Variants in PGPEP1 observed in about 807,000 individuals in gnomAD.
The protein encoded by PGPEP1 is pyroglutamyl-peptidase 1.
PGPEP1 carries 15 observed loss-of-function variants against 24.1 expected under a neutral mutation model. The observed-to-expected ratio is 0.62, with a 90% CI of 0.42 to 0.96. The LOEUF (loss-of-function observed/expected upper bound fraction) is 0.96. Ranked by LOEUF, PGPEP1 falls within the 40% of genes least tolerant of loss-of-function variation. The pLI is 0.00. For missense variants in PGPEP1, 242 were observed against 273.4 expected (o/e 0.89, Z 0.81); for synonymous variants, 122 against 116.4 (o/e 1.05, Z -0.31).
intron 2 of PGPEP1, chr19:18,349,138 T>C: frequency 1.0e-6 from 1 of 966,114 alleles, no homozygotes; most frequent in Non-Finnish European, 1.2e-6. Context: ...GTGTATATGC[T>C]GACAGTGGTT....
chr19:18,345,895 C>T (rs1970827882), intron 2 of PGPEP1, among the ~76,000 whole-genome samples: 1 of 151,336 alleles, frequency 6.6e-6, no homozygotes. Context: ...AAAAATTAGC[C>T]AGAAATCACT....
At chr19:18,356,064 C>T (rs997417936) in intron 3 of PGPEP1, 53 bp downstream of exon 3, 6 of 1,107,268 alleles carry the variant, frequency 5.4e-6, no homozygotes, top group Non-Finnish European at 7.0e-6. Flanking sequence ...AGGTTGGCAC[C>T]CTTCATGTGG....
chr19:18,350,409 T>C (rs190439746), intron 2 of PGPEP1, among the ~76,000 whole-genome samples: 12 of 152,272 alleles, frequency 7.9e-5, no homozygotes, highest in Admixed American at 1.3e-4. Context: ...GGTAAAATTT[T>C]CTCCTCTGGG....
intron 4 of PGPEP1, among the ~76,000 whole-genome samples, chr19:18,361,258 C>T (rs1971342473): frequency 6.6e-6 from 1 of 152,154 alleles, no homozygotes; most frequent in African/African-American, 2.4e-5. Flanking sequence ...CTGCCTCAGC[C>T]TCCCAAGTAG....
chr19:18,355,646 T>C (rs1342346933), intron 2 of PGPEP1, among the ~76,000 whole-genome samples: 1 of 152,108 alleles, frequency 6.6e-6, no homozygotes, highest in Non-Finnish European at 1.5e-5. Flanking sequence ...ACAGGCAGGA[T>C]TGAGTCCAAG....
rs1369678513 is a variant in PGPEP1, at chr19:18,364,054, G to A, written c.*471G>A. The A allele has an allele frequency of 1.5e-5, 2 of 135,294 alleles. No homozygotes were observed. Among genetic ancestry groups the A allele is most frequent in the African/African-American group, 5.8e-5 (2 of 34,550 alleles). 8.4% of individuals were successfully genotyped at this position (135,294 alleles called of 1,614,324 possible). On this transcript the variant is annotated 3_prime_UTR_variant, in exon 5 of 5. Transcript: ENST00000269919. The stretch of plus-strand genomic sequence containing the variant: ...TGCTCAACAGCCTGGCCCTTTCTGG[G>A]GCCACCCTGGGATATGGCTGGCTGG...
At chr19:18,348,802 G>A in intron 2 of PGPEP1, 1 of 152,164 alleles carries the variant, frequency 6.6e-6, no homozygotes, top group Non-Finnish European at 1.5e-5. Context: ...TGTTGCCTAG[G>A]TTGGAGCGCA....
intron 2 of PGPEP1, among the ~76,000 whole-genome samples, chr19:18,351,276 A>G (rs1971015751): frequency 2.0e-5 from 3 of 151,678 alleles, no homozygotes; most frequent in Admixed American, 6.6e-5. Flanking sequence ...AAAAAACCAA[A>G]CAAAACTTTA....
At chr19:18,346,734 A>G (rs951120452) in intron 2 of PGPEP1, among the ~76,000 whole-genome samples, 42 of 135,902 alleles carry the variant, frequency 3.1e-4, no homozygotes, top group African/African-American at 1.1e-3. Context: ...TCCGCCTCCC[A>G]GGTTCAAGCA....
At chr19:18,345,119 G>A (rs1490552901) in intron 2 of PGPEP1, among the ~76,000 whole-genome samples, 1 of 151,990 alleles carries the variant, frequency 6.6e-6, no homozygotes, top group African/African-American at 2.4e-5. Flanking sequence ...TCCTGCCTCA[G>A]CCTCCCTTAG....
In PGPEP1 at chr19:18,369,237, C is replaced by T. The variant is rs1381511569; in HGVS notation, c.*5654C>T. ...TCACAAGCTGAGTGGGGGGGGACTC[C>T]CAGGACTTGAGGGACCCAGTCCCAC... On this transcript the variant is annotated 3_prime_UTR_variant, in exon 5 of 5. Transcript: ENST00000269919. 6.6e-6 allele frequency: 1 copy of T among 152,310 alleles called. No individual in the cohort carries two copies. Among genetic ancestry groups the T allele is most frequent in the Non-Finnish European group, 1.5e-5 (1 of 68,134 alleles). 9.4% of individuals were successfully genotyped at this position (152,310 alleles called of 1,614,324 possible).
chr19:18,361,902 T>G, intron 4 of PGPEP1: 1 of 984,378 alleles, frequency 1.0e-6, no homozygotes, highest in East Asian at 1.1e-4. Context: ...ATCTGGCGAG[T>G]TCTCCATTTT....
Position 18,363,651 on chromosome 19 carries a change from G to C in PGPEP1, c.*68G>C. 8.2e-7 allele frequency: 1 copy of C among 1,225,336 alleles called. No homozygotes were observed. The highest frequency in any genetic ancestry group is 1.2e-6 in the Non-Finnish European group (1 of 866,082). 75.9% of individuals were successfully genotyped at this position (1,225,336 alleles called of 1,614,324 possible). A position where few individuals can be genotyped will look rare whatever the true frequency, so the allele number is the denominator to read the frequency against. ...CACGAGGGGACATCCACCCTCTGGG[G>C]TGTGGCCAGGAAAAGACAAGCTCTT... is the stretch of plus-strand genomic sequence containing the variant. On this transcript the variant is annotated 3_prime_UTR_variant, in exon 5 of 5. Transcript: ENST00000269919.
At chr19:18,350,899 T>C (rs554684639) in intron 2 of PGPEP1, among the ~76,000 whole-genome samples, 3 of 152,156 alleles carry the variant, frequency 2.0e-5, no homozygotes, top group African/African-American at 7.2e-5. Flanking sequence ...CACTCCAGCC[T>C]CAGTGACCAG....
chr19:18,347,132 G>A (rs1172232882), intron 2 of PGPEP1, among the ~76,000 whole-genome samples: 6 of 150,540 alleles, frequency 4.0e-5, no homozygotes, highest in African/African-American at 9.8e-5. Flanking sequence ...TCGATTGAAC[G>A]AGTGAGGTGA....
intron 2 of PGPEP1, among the ~76,000 whole-genome samples, chr19:18,348,271 C>T (rs577236020): frequency 1.3e-5 from 2 of 152,090 alleles, no homozygotes; most frequent in African/African-American, 2.4e-5. Flanking sequence ...GAGGAGGACC[C>T]GGGTCACAGA....
chr19:18,344,625 G>A (rs1297980744), intron 2 of PGPEP1, among the ~76,000 whole-genome samples: 4 of 148,274 alleles, frequency 2.7e-5, no homozygotes, highest in Non-Finnish European at 4.4e-5. Flanking sequence ...CTTCGTGAAC[G>A]GGATGGAGGG....
rs1600227837 is a variant in PGPEP1 at position 18,363,638 on chromosome 19, T to C, written c.*55T>C. On this transcript the variant is annotated 3_prime_UTR_variant, in exon 5 of 5. Coordinates refer to ENST00000269919, the MANE Select transcript of PGPEP1 (RefSeq NM_017712.4). ...CTGCTGGGGACCCCACGAGGGGACA[T>C]CCACCCTCTGGGGTGTGGCCAGGAA... 3.6e-6 allele frequency: 5 copies of C among 1,388,280 alleles called. No individual in the cohort carries two copies. The East Asian group carries it at 1.2e-4, about 33-fold the overall frequency. The allele number at this position is 1,388,280 out of a possible 1,614,324, so 86.0% of individuals were successfully genotyped here.
At chr19:18,358,489 A>C (rs544095194) in intron 4 of PGPEP1, among the ~76,000 whole-genome samples, 1 of 151,656 alleles carries the variant, frequency 6.6e-6, no homozygotes, top group African/African-American at 2.4e-5. Flanking sequence ...CGAACTCCCG[A>C]CCTCAGGTGA....
Sources: allele counts gnomAD v4.1 joint callset (sites outside exome capture counted in the v4.1 genomes callset), GRCh38; gene constraint gnomAD v4.1.1; transcripts MANE v1.5; gene names NCBI Gene and HGNC (gene_info 2026-07-23, HGNC 2026-07-21).